TAFA4: variants seen among roughly 807,000 people sequenced by gnomAD.
The protein encoded by TAFA4 is TAFA chemokine like family member 4.
Under a neutral mutation model 21.1 loss-of-function variants are expected in TAFA4, and 20 were observed. That is an observed-to-expected ratio of 0.95 (90% CI 0.67 to 1.38). The LOEUF is 1.38. Ranked by LOEUF, TAFA4 falls within the 40% of genes most tolerant of loss-of-function variation. The probability of loss-of-function intolerance (pLI) is 0.00; values close to 1 mark genes in which losing one functional copy is unlikely to be tolerated. For synonymous variants in TAFA4, 71 were observed against 67.4 expected, an observed-to-expected ratio of 1.05 and a Z score of -0.26; for missense variants, 211 against 180.9, an observed-to-expected ratio of 1.17 and a Z score of -0.95.
In TAFA4 at chr3:68,731,770, A is replaced by ATT. The variant is rs1159638067; in HGVS notation, c.*1371_*1372insAA. Reference sequence around the variant, plus strand: ...TAATAATCACAAAAACATGTATGCCATCAGCAGGATGAATTTTTTTACTTA... The same window carrying ATT: ...TAATAATCACAAAAACATGTATGCCATTTCAGCAGGATGAATTTTTTTACTTA... On this transcript the variant is annotated 3_prime_UTR_variant, in exon 6 of 6. Transcript: ENST00000295569. 1 of 152,114 alleles carries ATT rather than the reference A, an allele frequency of 6.6e-6. No homozygotes were observed. Among genetic ancestry groups the ATT allele is most frequent in the East Asian group, 1.9e-4 (1 of 5,200 alleles). 9.4% of individuals were successfully genotyped at this position (152,114 alleles called of 1,614,324 possible).
intron 3 of TAFA4, among the ~76,000 whole-genome samples, chr3:68,801,425 AGATGGCTCTTCAGTG>A (rs1462018542): frequency 6.6e-6 from 1 of 152,240 alleles, no homozygotes; most frequent in East Asian, 1.9e-4. Flanking sequence ...CTTTTCCACC[AGATGGCTCTTCAGTG>A]GCTAACATAA....
At chr3:68,898,718 G>A (rs1470264260) in intron 1 of TAFA4, among the ~76,000 whole-genome samples, 7 of 152,118 alleles carry the variant, frequency 4.6e-5, no homozygotes, top group African/African-American at 1.4e-4. Context: ...GCACTTTATC[G>A]CTCATCTTGT....
intron 3 of TAFA4, among the ~76,000 whole-genome samples, chr3:68,879,084 T>C (rs2089586280): frequency 1.3e-5 from 2 of 152,116 alleles, no homozygotes; most frequent in Admixed American, 1.3e-4. Context: ...AACTTCTAAC[T>C]AGGGTTTCCT....
At chr3:68,890,478 C>A (rs1266274051) in intron 1 of TAFA4, among the ~76,000 whole-genome samples, 1 of 152,158 alleles carries the variant, frequency 6.6e-6, no homozygotes, top group Non-Finnish European at 1.5e-5. Flanking sequence ...GAGCTTTCAT[C>A]CAAGCCTCCA....
intron 3 of TAFA4, among the ~76,000 whole-genome samples, chr3:68,875,660 T>A (rs537961891): frequency 1.3e-5 from 2 of 152,200 alleles, no homozygotes; most frequent in African/African-American, 4.8e-5. Flanking sequence ...CTTACCCCAG[T>A]GGGTAAGTGC....
chr3:68,841,165 T>C lies in TAFA4; in HGVS notation c.130+39565A>G, dbSNP rs1338374621. ...GGTGAAACCCCGTCTCTACTAAAAATACAAAAAATTAGCCGGGCGTAGTGG... is the reference window on the plus strand; with the variant it reads ...GGTGAAACCCCGTCTCTACTAAAAACACAAAAAATTAGCCGGGCGTAGTGG... On this transcript the variant is annotated intron_variant, in intron 3 of 5. Transcript: ENST00000295569. 2.4e-5 allele frequency among the ~76,000 whole-genome samples: 3 copies of C among 126,980 alleles called. 1 individual carries two copies. The highest frequency in any genetic ancestry group is 2.3e-4 in the Admixed American group (3 of 13,098). 83.3% of individuals were successfully genotyped at this position (126,980 alleles called of 152,430 possible). A position where few individuals can be genotyped will look rare whatever the true frequency, so the allele number is the denominator to read the frequency against.
At chr3:68,833,309 A>T (rs536020826) in intron 3 of TAFA4, among the ~76,000 whole-genome samples, 1 of 152,264 alleles carries the variant, frequency 6.6e-6, no homozygotes, top group South Asian at 2.1e-4. Flanking sequence ...AGCTGTTCCT[A>T]TTCAGCCATC....
chr3:68,925,849 C>G (rs1190197930), intron 1 of TAFA4, among the ~76,000 whole-genome samples: 4 of 152,266 alleles, frequency 2.6e-5, no homozygotes, highest in East Asian at 1.9e-4. Context: ...TCCCTAGCCA[C>G]AGGTTCATCA....
rs558910605 is a variant in TAFA4 at position 68,887,146 on chromosome 3, AT to A, written c.-122-1837del. ...TCCAAAACACAGTGATGGAACAGGC[AT>A]AAAACAGACATTCCCATTCCAAAAG... On this transcript the variant is annotated intron_variant, in intron 1 of 5. Coordinates refer to ENST00000295569, the MANE Select transcript of TAFA4 (RefSeq NM_182522.5). 9.1e-4 allele frequency among the ~76,000 whole-genome samples: 138 copies of A among 152,392 alleles called. 1 individual carries two copies. The highest frequency in any genetic ancestry group is 1.5e-3 in the Non-Finnish European group (99 of 68,038).
chr3:68,852,595 G>T (rs1440541154), intron 3 of TAFA4, among the ~76,000 whole-genome samples: 2 of 152,062 alleles, frequency 1.3e-5, no homozygotes, highest in African/African-American at 4.8e-5. Context: ...CAGGGTAGGG[G>T]GTGTAATTTA....
At chr3:68,808,832 T>C (rs1440605125) in intron 3 of TAFA4, among the ~76,000 whole-genome samples, 1 of 152,240 alleles carries the variant, frequency 6.6e-6, no homozygotes, top group African/African-American at 2.4e-5. Context: ...GTCAAATGTC[T>C]ACTGAAAATG....
intron 3 of TAFA4, among the ~76,000 whole-genome samples, chr3:68,874,698 A>G (rs2089525866): frequency 6.6e-6 from 1 of 152,140 alleles, no homozygotes; most frequent in African/African-American, 2.4e-5. Context: ...AGGGTGAAAA[A>G]GCCTACTCTG....
intron 3 of TAFA4, among the ~76,000 whole-genome samples, chr3:68,827,075 TC>T (rs1163133895): frequency 8.2e-4 from 105 of 128,466 alleles, no homozygotes; most frequent in Non-Finnish European, 1.3e-3. Context: ...GTAATGTTCC[TC>T]TCTCTGTGTC....
chr3:68,905,150 C>CTTTTTTTTTTTTTT (rs145187037), intron 1 of TAFA4, among the ~76,000 whole-genome samples: 1 of 85,262 alleles, frequency 1.2e-5, no homozygotes, highest in African/African-American at 4.7e-5. Flanking sequence ...AGATTTCTGC[C>CTTTTTTTTTTTTTT]TTTTTTTTTT....
chr3:68,881,728 T>G (rs923390534), intron 2 of TAFA4, among the ~76,000 whole-genome samples: 4 of 152,216 alleles, frequency 2.6e-5, no homozygotes, highest in African/African-American at 9.7e-5. Flanking sequence ...AACCCCTGTT[T>G]AATATATGCA....
Position 68,841,042 on chromosome 3 carries a change from G to A in TAFA4, c.130+39688C>T, listed in dbSNP as rs567816467. On this transcript the variant is annotated intron_variant, in intron 3 of 5. Coordinates refer to ENST00000295569, the MANE Select transcript of TAFA4 (RefSeq NM_182522.5). ...TTTCCTCTACAAGGCTAAATAGAAGGTGATATTAAAGAATAAAATCCATGT... is the reference window on the plus strand; with the variant it reads ...TTTCCTCTACAAGGCTAAATAGAAGATGATATTAAAGAATAAAATCCATGT... Among the ~76,000 whole-genome samples, 183 of 152,178 alleles carry A rather than the reference G, an allele frequency of 1.2e-3. 1 individual carries two copies. Among genetic ancestry groups the A allele is most frequent in the African/African-American group, 4.2e-3 (173 of 41,466 alleles).
At position 68,880,632 on chromosome 3, in the gene TAFA4, C is replaced by A. The variant is rs561089406; in HGVS notation, c.130+98G>T. On this transcript the variant is annotated intron_variant, in intron 3 of 5. Transcript: ENST00000295569. ...CTTCCTCTAGTTATTTACACACCAT[C>A]AGAAGCTCACATCAGTTATCTGTGT... 4 of 942,608 alleles carry A rather than the reference C, an allele frequency of 4.2e-6. No individual in the cohort carries two copies. In the East Asian group the frequency reaches 7.4e-5, roughly 17 times the overall value. The allele number at this position is 942,608 out of a possible 1,614,324, so 58.4% of individuals were successfully genotyped here. A position where few individuals can be genotyped will look rare whatever the true frequency, so the allele number is the denominator to read the frequency against.
chr3:68,883,553 G>A (rs544346634), intron 2 of TAFA4, among the ~76,000 whole-genome samples: 11 of 152,142 alleles, frequency 7.2e-5, no homozygotes, highest in African/African-American at 2.7e-4. Context: ...CACACTCAAA[G>A]GAAAGCAATT....
chr3:68,820,811 A>G (rs1704096995), intron 3 of TAFA4, among the ~76,000 whole-genome samples: 1 of 152,242 alleles, frequency 6.6e-6, no homozygotes, highest in Admixed American at 6.5e-5. Flanking sequence ...TCATTTGTAC[A>G]CCATAAATAC....
Sources: allele counts gnomAD v4.1 joint callset (sites outside exome capture counted in the v4.1 genomes callset), GRCh38; gene constraint gnomAD v4.1.1; transcripts MANE v1.5; gene names NCBI Gene and HGNC (gene_info 2026-07-23, HGNC 2026-07-21).